PIWIL4: variants seen among roughly 807,000 people sequenced by gnomAD.
PIWIL4 encodes the protein piwi like RNA-mediated gene silencing 4.
A neutral mutation model predicts 100.9 loss-of-function variants in PIWIL4; 50 were observed. The ratio of observed to expected loss-of-function variants is 0.50; its 90% CI spans 0.39 to 0.63. The LOEUF (loss-of-function observed/expected upper bound fraction) is 0.63. Among genes scored for constraint, PIWIL4 ranks in the 20% least tolerant of loss-of-function variants. PIWIL4 has a pLI of 0.00. For synonymous variants in PIWIL4, 342 were observed against 367.5 expected (o/e 0.93, Z 0.79); for missense variants, 887 against 1,043.3 (o/e 0.85, Z 2.06).
chr11:94,571,874 A>G (rs1948159307), intron 2 of PIWIL4, among the ~76,000 whole-genome samples: 1 of 152,194 alleles, frequency 6.6e-6, no homozygotes, highest in African/African-American at 2.4e-5. Context: ...GTCTTCCAAA[A>G]TGGTTGAACT....
rs1175864088 is a variant in PIWIL4, at chr11:94,567,621, A to G, written c.87+16A>G. On this transcript the variant is annotated intron_variant, in intron 1 of 19. Coordinates refer to ENST00000299001, the MANE Select transcript of PIWIL4 (RefSeq NM_152431.3). ...CTCGCCATTGGTGTGTAGAATGCTTATTGCGCATGGTTTCGTTTTCTCCTA... is the reference window on the plus strand; with the variant it reads ...CTCGCCATTGGTGTGTAGAATGCTTGTTGCGCATGGTTTCGTTTTCTCCTA... The G allele has an allele frequency of 6.3e-7, 1 of 1,579,654 alleles. No individual in the cohort carries two copies. Among genetic ancestry groups the G allele is most frequent in the Non-Finnish European group, 8.6e-7 (1 of 1,159,790 alleles).
rs1381946762 is a variant in PIWIL4, at chr11:94,608,674, C to T, written c.1931C>T (p.Pro644Leu). The change falls in exon 15 of 20, where the codon CCC becomes CTC. Residue 644 changes from proline to leucine, a missense_variant. Physicochemically the swap from Pro to Leu is moderately conservative, Grantham distance 98. Transcript: ENST00000299001. ...MVVGCVASVN[P>L]RITRWFSRCI... is the part of the protein sequence containing the mutation. The stretch of plus-strand genomic sequence containing the variant: ...GTTGGATGCGTGGCCAGTGTTAACC[C>T]CAGAATCACCAGGTACTGCTAAAAC... The T allele has an allele frequency of 6.2e-7, 1 of 1,613,762 alleles. No homozygotes were observed. Among genetic ancestry groups the T allele is most frequent in the South Asian group, 1.1e-5 (1 of 91,066 alleles).
chr11:94,582,616 C>G (rs374190596), intron 4 of PIWIL4, among the ~76,000 whole-genome samples: 3 of 152,110 alleles, frequency 2.0e-5, no homozygotes, highest in African/African-American at 7.2e-5. Context: ...TTTGTATATT[C>G]CTTTATTTCA....
At chr11:94,584,239 C>T (rs1460793058) in intron 5 of PIWIL4, among the ~76,000 whole-genome samples, 1 of 152,164 alleles carries the variant, frequency 6.6e-6, no homozygotes, top group East Asian at 1.9e-4. Flanking sequence ...GTTTTACATG[C>T]TGCTAGTGTG....
At position 94,578,280 on chromosome 11, in the gene PIWIL4, C is replaced by T. The variant is rs116250409; in HGVS notation, c.513+788C>T. ...ACCATTTATTTAAAATTTTTATTGA[C>T]GGCTCTGCTCTTATCTGCAGCCGAT... On this transcript the variant is annotated intron_variant, in intron 4 of 19. Transcript: ENST00000299001. Among the ~76,000 whole-genome samples the T allele has an allele frequency of 3.9e-5, 6 of 152,234 alleles. No individual in the cohort carries two copies. In the East Asian group the frequency reaches 5.8e-4, roughly 15 times the overall value.
intron 4 of PIWIL4, 62 bp downstream of exon 4, chr11:94,577,554 C>A: frequency 7.9e-7 from 1 of 1,265,184 alleles, no homozygotes; most frequent in Non-Finnish European, 1.1e-6. Context: ...TGTGTATACA[C>A]ACACACATAT....
At position 94,616,509 on chromosome 11, in the gene PIWIL4, A is replaced by G; in HGVS notation, c.1960A>G (p.Ile654Val). The G allele has an allele frequency of 1.2e-6, 2 of 1,602,624 alleles. No individual in the cohort carries two copies. Among genetic ancestry groups the G allele is most frequent in the South Asian group, 2.3e-5 (2 of 87,286 alleles). ...PRITRWFSRCILQRTMTDVAD... is the reference protein window; with the variant it reads ...PRITRWFSRCVLQRTMTDVAD... ...TAACTTTAGGTGGTTTTCCCGCTGT[A>G]TCCTTCAGAGAACAATGACTGATGT... The change falls in exon 16 of 20, where the codon ATC becomes GTC. Residue 654 changes from isoleucine (I) to valine (V), a missense_variant. Coordinates refer to ENST00000299001, the MANE Select transcript of PIWIL4 (RefSeq NM_152431.3).
rs1948089587 is a variant in PIWIL4, at chr11:94,567,441, C to T, written c.-78C>T. 7.7e-7 allele frequency: 1 copy of T among 1,296,650 alleles called. No individual in the cohort carries two copies. The highest frequency in any genetic ancestry group is 1.0e-6 in the Non-Finnish European group (1 of 972,494). The allele number at this position is 1,296,650 out of a possible 1,614,324, so 80.3% of individuals were successfully genotyped here. ...CCAGGCAGTTTCGCCGTCACACCGT[C>T]GCCATCTGTAGCCAAAGCAAAACAT... On this transcript the variant is annotated 5_prime_UTR_variant, in exon 1 of 20. Transcript: ENST00000299001.
chr11:94,611,056 G>A (rs970513449), intron 15 of PIWIL4, among the ~76,000 whole-genome samples: 2 of 152,108 alleles, frequency 1.3e-5, no homozygotes, highest in Non-Finnish European at 2.9e-5. Context: ...TATTGTTGGT[G>A]TTTTTGTCAA....
At position 94,608,590 on chromosome 11, in the gene PIWIL4, C is replaced by T. The variant is rs267603255; in HGVS notation, c.1847C>T (p.Ser616Phe). The change falls in exon 15 of 20, where the codon TCC becomes TTC. Residue 616 changes from serine to phenylalanine, a missense_variant. Ser to Phe is a radical substitution (Grantham distance 155, BLOSUM62 -2). Coordinates refer to ENST00000299001, the MANE Select transcript of PIWIL4 (RefSeq NM_152431.3). ...ELWAVEIPLK[S>F]LMVVGIDVCK... ...ACAAATTTAATTTTATAGTTAAAGT[C>T]CCTGATGGTGGTCGGTATTGATGTC... 16 of 1,613,460 alleles carry T rather than the reference C, an allele frequency of 9.9e-6. No homozygotes were observed. The South Asian group carries it at 1.8e-4, about 18-fold the overall frequency.
chr11:94,605,998 G>A (rs565895266), intron 13 of PIWIL4, among the ~76,000 whole-genome samples: 4 of 152,160 alleles, frequency 2.6e-5, no homozygotes, highest in Non-Finnish European at 5.9e-5. Flanking sequence ...ATCTTTCCCA[G>A]GAGTCCTGAT....
chr11:94,579,241 G>A (rs369544776), intron 4 of PIWIL4, among the ~76,000 whole-genome samples: 70 of 152,168 alleles, frequency 4.6e-4, no homozygotes, highest in African/African-American at 1.4e-3. Flanking sequence ...GAAATTATGA[G>A]TTATTTATAT....
intron 17 of PIWIL4, 35 bp from the exon 18 acceptor site, chr11:94,619,725 G>C: frequency 1.9e-6 from 3 of 1,592,192 alleles, no homozygotes; most frequent in South Asian, 2.3e-5. Flanking sequence ...AGATTGGATT[G>C]AGTTCTTTTC....
At chr11:94,615,598 G>GT (rs771430601) in intron 15 of PIWIL4, among the ~76,000 whole-genome samples, 106 of 151,940 alleles carry the variant, frequency 7.0e-4, no homozygotes, top group Non-Finnish European at 1.2e-3. Flanking sequence ...ATTGTGTTCT[G>GT]TTTTTTTTGT....
At chr11:94,599,053 T>C (rs1948599617) in intron 11 of PIWIL4, among the ~76,000 whole-genome samples, 1 of 152,112 alleles carries the variant, frequency 6.6e-6, no homozygotes, top group Admixed American at 6.6e-5. Flanking sequence ...AAAACTCTCA[T>C]TGGAGAAGAT....
At chr11:94,606,376 T>A (rs1040225277) in intron 13 of PIWIL4, among the ~76,000 whole-genome samples, 6 of 152,264 alleles carry the variant, frequency 3.9e-5, no homozygotes, top group African/African-American at 1.2e-4. Flanking sequence ...TTTGACATTG[T>A]GACTTTAAAT....
chr11:94,579,927 C>T (rs1454512819), intron 4 of PIWIL4, among the ~76,000 whole-genome samples: 4 of 152,084 alleles, frequency 2.6e-5, no homozygotes, highest in Non-Finnish European at 4.4e-5. Flanking sequence ...AATTTAGATA[C>T]GTTGAAATTA....
At position 94,587,097 on chromosome 11, in the gene PIWIL4, G is replaced by T; in HGVS notation, c.764G>T (p.Arg255Met). 1 of 1,613,930 alleles carries T rather than the reference G, an allele frequency of 6.2e-7. No homozygotes were observed. Among genetic ancestry groups the T allele is most frequent in the Non-Finnish European group, 8.5e-7 (1 of 1,179,918 alleles). Residue 255 changes from arginine (R) to methionine (M), a missense_variant, in exon 7 of 20, where the codon AGG becomes ATG. Physicochemically the swap from Arg to Met is moderately conservative, Grantham distance 91 (BLOSUM62 -1). Around this residue, in one of 2 missense-constraint regions of PIWIL4, gnomAD observed 741 missense variants for 930.0 expected, o/e 0.80. Coordinates refer to ENST00000299001, the MANE Select transcript of PIWIL4 (RefSeq NM_152431.3). ...GCCATTTCTGTGTCATATTTTGAAA[G>T]GAAGCTCCTGTTTAGTGCTGATGTG... ...GFAISVSYFE[R>M]KLLFSADVSY...
intron 8 of PIWIL4, among the ~76,000 whole-genome samples, chr11:94,591,026 G>T (rs1170259545): frequency 6.7e-6 from 1 of 150,300 alleles, no homozygotes; most frequent in African/African-American, 2.5e-5. Context: ...TACCTTCATG[G>T]TGTAGTGTAA....
Sources: gnomAD v4.1 joint callset for allele counts (sites outside exome capture counted in the v4.1 genomes callset) on GRCh38, gnomAD v4.1.1 for gene constraint, gnomAD v4.1.1 regional missense constraint, MANE v1.5 for transcripts, NCBI Gene and HGNC (gene_info 2026-07-23, HGNC 2026-07-21) for gene names.